ADGRL1: variants seen among roughly 807,000 people sequenced by gnomAD.
The protein encoded by ADGRL1 is adhesion G protein-coupled receptor L1.
Under a neutral mutation model 148.9 loss-of-function variants are expected in ADGRL1, and 31 were observed. The ratio of observed to expected loss-of-function variants is 0.21; its 90% confidence interval spans 0.16 to 0.28. The LOEUF is 0.28. Ranked by LOEUF, ADGRL1 falls within the 10% of genes least tolerant of loss-of-function variation. The pLI is 1.00. For missense variants in ADGRL1, 1,521 were observed against 2,058.8 expected (o/e 0.74, Z 5.05); for synonymous variants, 937 against 900.3 (o/e 1.04, Z -0.73).
At position 14,191,633 on chromosome 19, in the gene ADGRL1, A is replaced by G. The variant is rs191050660; in HGVS notation, c.-95-7936T>C. ...GGAAATTCTCTTCCGCCTTCTCACT[A>G]TATCCTCACAGGGCCTCTTCTCTAG... is the stretch of plus-strand genomic sequence containing the variant. On this transcript the variant is annotated intron_variant, in intron 1 of 22. Transcript: ENST00000361434. The G allele has an allele frequency of 1.0e-3, 384 of 379,002 alleles. 1 individual carries two copies. The highest frequency in any genetic ancestry group is 1.9e-3 in the Non-Finnish European group (356 of 188,876). The allele number at this position is 379,002 out of a possible 1,614,324, so 23.5% of individuals were successfully genotyped here.
At chr19:14,167,969 G>C (rs1031130219) in intron 4 of ADGRL1, among the ~76,000 whole-genome samples, 1 of 152,126 alleles carries the variant, frequency 6.6e-6, no homozygotes, top group Non-Finnish European at 1.5e-5. Flanking sequence ...GTTAGACTGT[G>C]CTCAGCTGCA....
rs1967965257 is a variant in ADGRL1 at position 14,149,730 on chromosome 19, ATT to A, written c.*1141_*1142del. 5.3e-5 allele frequency: 8 copies of A among 151,982 alleles called. No individual in the cohort carries two copies. Among genetic ancestry groups the A allele is most frequent in the Admixed American group, 5.2e-4 (8 of 15,240 alleles). 9.4% of individuals were successfully genotyped at this position (151,982 alleles called of 1,614,324 possible). A position where few individuals can be genotyped will look rare whatever the true frequency, so the allele number is the denominator to read the frequency against. On this transcript the variant is annotated 3_prime_UTR_variant, in exon 23 of 23. Coordinates refer to ENST00000361434, the MANE Select transcript of ADGRL1 (RefSeq NM_014921.5). The stretch of plus-strand genomic sequence containing the variant: ...TTCTTTGTTTCGCTGTTGCATCTAG[ATT>A]TTGTTTTCTGTCTCTGGATTGTAAA...
In ADGRL1 at chr19:14,163,405, G is replaced by C. The variant is rs1327605309; in HGVS notation, c.396C>G (p.Ile132Met). ...TCTGCAGGGTCCCTGGGCACACGAA[G>C]ACTGGGCAGAGTGGGCGGGAGGGGA... ...LEVQYDCVPY[I>M]FVCPGTLQKV... The change falls in exon 5 of 23, where the codon ATC becomes ATG. Residue 132 changes from isoleucine to methionine, a missense_variant and splice_region_variant. Coordinates refer to ENST00000361434, the MANE Select transcript of ADGRL1 (RefSeq NM_014921.5). 1.3e-6 allele frequency: 2 copies of C among 1,550,402 alleles called. No homozygotes were observed. The highest frequency in any genetic ancestry group is 1.7e-6 in the Non-Finnish European group (2 of 1,149,182).
At position 14,161,490 on chromosome 19, in the gene ADGRL1, C is replaced by G. The variant is rs1969371092; in HGVS notation, c.1332G>C (p.Gln444His). Residue 444 changes from glutamine (Q) to histidine (H), a missense_variant, in exon 6 of 23, where the codon CAG becomes CAC. By Grantham distance (24) the Gln-to-His change is conservative. Coordinates refer to ENST00000361434, the MANE Select transcript of ADGRL1 (RefSeq NM_014921.5). This position sits in a 1 kb window ranked among gnomAD's most constrained non-coding sequence, Gnocchi z 4.4. ...LTTHPVGAINQLGPDLPPATA... is the reference protein window; with the variant it reads ...LTTHPVGAINHLGPDLPPATA... ...TGGCTGGAGGCAGATCAGGTCCCAG[C>G]TGGTTGATGGCACCCACTGGGTGCG... is the stretch of plus-strand genomic sequence containing the variant. 4.9e-6 allele frequency: 7 copies of G among 1,441,236 alleles called. No individual in the cohort carries two copies. The highest frequency in any genetic ancestry group is 6.4e-6 in the Non-Finnish European group (7 of 1,095,470). The allele number at this position is 1,441,236 out of a possible 1,614,324, so 89.3% of individuals were successfully genotyped here.
At chr19:14,204,713 T>TGAGA (rs74181774) in intron 1 of ADGRL1, among the ~76,000 whole-genome samples, 357 of 142,988 alleles carry the variant, frequency 2.5e-3, no homozygotes, top group African/African-American at 5.5e-3. Context: ...ACAGAGAGAG[T>TGAGA]GAGAGAGAGA....
rs765501059 is a variant in ADGRL1, at chr19:14,159,062, C to A, written c.2149+28G>T. On this transcript the variant is annotated intron_variant, in intron 11 of 22. Coordinates refer to ENST00000361434, the MANE Select transcript of ADGRL1 (RefSeq NM_014921.5). The surrounding 1 kb of genome is among the most constrained non-coding windows in gnomAD (Gnocchi z 6.0). ...GGGGGTGGGGGTGGGGCTGCTTCCC[C>A]ACCCGAGGCCCCGCCGGGGACACTG... 1.2e-6 allele frequency: 2 copies of A among 1,612,044 alleles called. No individual in the cohort carries two copies. The highest frequency in any genetic ancestry group is 1.7e-6 in the Non-Finnish European group (2 of 1,179,698).
intron 4 of ADGRL1, chr19:14,167,135 G>A (rs1439397599): frequency 2.0e-6 from 2 of 988,914 alleles, no homozygotes; most frequent in African/African-American, 1.6e-5. Context: ...TTCTTTTCTG[G>A]CAACACGCCC....
chr19:14,157,383 G>A lies in ADGRL1; in HGVS notation c.2613C>T (p.Ala871=), dbSNP rs1018992166. The part of the protein sequence containing the change: ...VGIVISLVCL[A]ICISTFCFLR... ...GGAAGCAGAAGGTGGAGATGCAGAT[G>A]GCCAAGCAGACCAGGGAGATCACAA... The change falls in exon 14 of 23, where the codon GCC becomes GCT. Residue 871 remains alanine, a synonymous_variant. Coordinates refer to ENST00000361434, the MANE Select transcript of ADGRL1 (RefSeq NM_014921.5). The surrounding 1 kb of genome is among the most constrained non-coding windows in gnomAD (Gnocchi z 7.5). 1 of 1,614,102 alleles carries A rather than the reference G, an allele frequency of 6.2e-7. No homozygotes were observed. Among genetic ancestry groups the A allele is most frequent in the African/African-American group, 1.3e-5 (1 of 74,942 alleles).
In ADGRL1 at chr19:14,151,045, C is replaced by CG; in HGVS notation, c.4237_4238insC (p.Gly1413AlafsTer30). On this transcript the variant is annotated frameshift_variant, in exon 23 of 23. Coordinates refer to ENST00000361434, the MANE Select transcript of ADGRL1 (RefSeq NM_014921.5). LOFTEE classifies it high-confidence loss of function. Reference sequence around the variant, plus strand: ...CGAGGTGTAGTAGATTTCGGGGGGGCCGGGGGGTGCGGGAGGGGGTGGGGG... The same window carrying CG: ...CGAGGTGTAGTAGATTTCGGGGGGGCGCGGGGGGTGCGGGAGGGGGTGGGGG... 2.2e-6 allele frequency: 2 copies of CG among 911,872 alleles called. No homozygotes were observed. The allele number at this position is 911,872 out of a possible 1,614,324, so 56.5% of individuals were successfully genotyped here.
chr19:14,158,637 G>T, intron 11 of ADGRL1, 85 bp from the exon 12 acceptor site: 1 of 1,158,516 alleles, frequency 8.6e-7, no homozygotes, highest in Non-Finnish European at 1.3e-6. Flanking sequence ...AGCTCAGCCA[G>T]CTCCTCAGCC....
intron 1 of ADGRL1, among the ~76,000 whole-genome samples, chr19:14,184,606 T>TTTTATTTATTTA (rs74181775): frequency 6.7e-5 from 7 of 103,974 alleles, no homozygotes; most frequent in African/African-American, 2.8e-4. Context: ...CTAATTTTTA[T>TTTTATTTATTTA]TTTATTTATT....
At chr19:14,180,437 G>C (rs1438101138) in intron 2 of ADGRL1, among the ~76,000 whole-genome samples, 1 of 151,660 alleles carries the variant, frequency 6.6e-6, no homozygotes, top group Non-Finnish European at 1.5e-5. Context: ...TGTATTTTTA[G>C]TAGAGACGGG....
chr19:14,200,412 G>A (rs1384327026), intron 1 of ADGRL1, among the ~76,000 whole-genome samples: 1 of 152,200 alleles, frequency 6.6e-6, no homozygotes, highest in Non-Finnish European at 1.5e-5. Flanking sequence ...GCGTTCTGGG[G>A]CAGGGTCGGC....
rs1024902572 is a variant in ADGRL1 at position 14,162,460 on chromosome 19, C to T, written c.1195+146G>A. On this transcript the variant is annotated intron_variant, in intron 5 of 22. Coordinates refer to ENST00000361434, the MANE Select transcript of ADGRL1 (RefSeq NM_014921.5). The surrounding 1 kb of genome is among the most constrained non-coding windows in gnomAD (Gnocchi z 5.4). ...AATGACTGTGAAGTGCTTAGAACAG[C>T]GTCTGTCACATGCTGTGAATTTCCT... 4.5e-6 allele frequency: 3 copies of T among 668,382 alleles called. 1 individual carries two copies. The highest frequency in any genetic ancestry group is 7.7e-6 in the Non-Finnish European group (3 of 390,622). The allele number at this position is 668,382 out of a possible 1,614,324, so 41.4% of individuals were successfully genotyped here.
intron 3 of ADGRL1, among the ~76,000 whole-genome samples, chr19:14,173,072 G>C (rs552875682): frequency 4.1e-4 from 62 of 152,188 alleles, no homozygotes; most frequent in African/African-American, 1.5e-3. Context: ...TGATCCTCCA[G>C]CCTCTGCCTC....
chr19:14,197,500 T>C (rs1226448885), intron 1 of ADGRL1, among the ~76,000 whole-genome samples: 1 of 152,152 alleles, frequency 6.6e-6, no homozygotes, highest in African/African-American at 2.4e-5. Flanking sequence ...TGGCTCCCTA[T>C]TGCCTGTGAT....
intron 12 of ADGRL1, 59 bp from the exon 13 acceptor site, chr19:14,158,111 C>G: frequency 6.5e-7 from 1 of 1,541,900 alleles, no homozygotes; most frequent in Non-Finnish European, 8.9e-7. Flanking sequence ...AGTCCCATTC[C>G]GACCCCCCAC....
intron 22 of ADGRL1, 71 bp from the exon 23 acceptor site, chr19:14,151,686 C>A: frequency 7.0e-7 from 1 of 1,426,598 alleles, no homozygotes; most frequent in East Asian, 2.3e-5. Flanking sequence ...TGAGGGGGTG[C>A]GGTCCATGTG....
At chr19:14,202,255 GTT>G (rs113347585) in intron 1 of ADGRL1, among the ~76,000 whole-genome samples, 1 of 145,440 alleles carries the variant, frequency 6.9e-6, no homozygotes, top group African/African-American at 2.5e-5. Context: ...TTTGTTTTGG[GTT>G]TTTTTTTTTT....
Sources: gnomAD v4.1 joint callset for allele counts (sites outside exome capture counted in the v4.1 genomes callset) on GRCh38, gnomAD v4.1.1 for gene constraint, Gnocchi (gnomAD v3.1) non-coding constraint, MANE v1.5 for transcripts, NCBI Gene and HGNC (gene_info 2026-07-23, HGNC 2026-07-21) for gene names.